The following HIF1AN variants were observed in gnomAD, a reference collection of about 807,000 sequenced individuals.
The protein encoded by HIF1AN is hypoxia-inducible factor 1-alpha inhibitor.
Under a neutral mutation model 47.7 loss-of-function variants are expected in HIF1AN, and 21 were observed. The observed-to-expected ratio is 0.44, with a 90% confidence interval of 0.31 to 0.63. The LOEUF is 0.63. Ranked by LOEUF, HIF1AN falls within the 30% of genes least tolerant of loss-of-function variation. The pLI is 0.07. For missense variants in HIF1AN, 320 were observed against 432.7 expected (o/e 0.74, Z 2.31); for synonymous variants, 152 against 155.9 (o/e 0.98, Z 0.18).
At chr10:100,546,774 C>G (rs987537289) in intron 6 of HIF1AN, among the ~76,000 whole-genome samples, 193 bp downstream of exon 6, 3 of 152,010 alleles carry the variant, frequency 2.0e-5, no homozygotes, top group Admixed American at 6.5e-5. Context: ...GAGTCTTGCT[C>G]TATTCCCCAG....
At chr10:100,545,842 TTTGTTTGTTTG>T in intron 4 of HIF1AN, 90 bp from the exon 5 acceptor site, 1 of 738,552 alleles carries the variant, frequency 1.4e-6, no homozygotes, top group Non-Finnish European at 2.3e-6. Context: ...TCGTTTTTTT[TTTGTTTGTTTG>T]TTTGTTTTTA....
chr10:100,547,340 G>T, intron 7 of HIF1AN, 90 bp downstream of exon 7: 1 of 773,670 alleles, frequency 1.3e-6, no homozygotes, highest in Non-Finnish European at 2.2e-6. Context: ...CTGTGTTTCA[G>T]TGTCTGGTGT....
intron 6 of HIF1AN, 127 bp downstream of exon 6, chr10:100,546,708 A>G: frequency 1.3e-6 from 1 of 745,290 alleles, no homozygotes; most frequent in South Asian, 1.6e-5. Flanking sequence ...GTCTGGGGAG[A>G]TGAAAGGGAC....
intron 3 of HIF1AN, among the ~76,000 whole-genome samples, chr10:100,541,511 G>GT (rs1190541432): frequency 2.0e-5 from 3 of 151,604 alleles, no homozygotes; most frequent in Non-Finnish European, 2.9e-5. Flanking sequence ...TTGTTGTTTT[G>GT]TTTTTTTGAG....
chr10:100,548,166 G>A lies in HIF1AN; in HGVS notation c.*29G>A, dbSNP rs1016447117. 1.3e-6 allele frequency: 2 copies of A among 1,592,414 alleles called. No homozygotes were observed. Among genetic ancestry groups the A allele is most frequent in the African/African-American group, 2.7e-5 (2 of 74,442 alleles). On this transcript the variant is annotated 3_prime_UTR_variant, in exon 8 of 8. Coordinates refer to ENST00000299163, the MANE Select transcript of HIF1AN (RefSeq NM_017902.3). ...GCCAGGGGTCAAGGCCTCCTGCCAG[G>A]TGACTGCTATCCCGTCCACACCGCT...
chr10:100,546,939 C>G (rs751773327), intron 6 of HIF1AN, among the ~76,000 whole-genome samples: 1 of 152,016 alleles, frequency 6.6e-6, no homozygotes, highest in Non-Finnish European at 1.5e-5. Context: ...GGGGTTTCAC[C>G]ATGTTGGCCA....
rs1217417082 is a variant in HIF1AN, at chr10:100,549,127, T to TA, written c.*991dup. 2 of 152,568 alleles carry TA rather than the reference T, an allele frequency of 1.3e-5. No individual in the cohort carries two copies. The highest frequency in any genetic ancestry group is 6.6e-5 in the Admixed American group (1 of 15,262). The allele number at this position is 152,568 out of a possible 1,614,324, so 9.5% of individuals were successfully genotyped here. ...GTCCACACTGGCCAGCCTCCCTACTTACCAAGGTTCTCCACTGCTTACCTT... is the reference window on the plus strand; with the variant it reads ...GTCCACACTGGCCAGCCTCCCTACTTAACCAAGGTTCTCCACTGCTTACCTT... On this transcript the variant is annotated 3_prime_UTR_variant, in exon 8 of 8. Transcript: ENST00000299163.
intron 2 of HIF1AN, among the ~76,000 whole-genome samples, chr10:100,538,216 C>T (rs189659352): frequency 1.3e-5 from 2 of 152,204 alleles, no homozygotes; most frequent in Non-Finnish European, 2.9e-5. Context: ...CAAGGAAAAT[C>T]TTTAATTGTT....
intron 3 of HIF1AN, 46 bp from the exon 4 acceptor site, chr10:100,544,905 C>T (rs1843079298): frequency 6.3e-7 from 1 of 1,592,608 alleles, no homozygotes; most frequent in Non-Finnish European, 8.6e-7. Context: ...CCAGCTTATG[C>T]AATAGAACCA....
intron 7 of HIF1AN, among the ~76,000 whole-genome samples, chr10:100,547,883 T>G (rs951089419): frequency 6.6e-6 from 1 of 152,044 alleles, no homozygotes; most frequent in Admixed American, 6.5e-5. Flanking sequence ...GAGAGAAGAA[T>G]AATAGTACAA....
At chr10:100,545,127 A>T in intron 4 of HIF1AN, 31 bp downstream of exon 4, 2 of 1,601,858 alleles carry the variant, frequency 1.2e-6, no homozygotes, top group Non-Finnish European at 1.7e-6. Context: ...AAGGGTATAG[A>T]ACTCTAGATT....
chr10:100,540,944 G>A lies in HIF1AN; in HGVS notation c.577+162G>A, dbSNP rs142360133. Among the ~76,000 whole-genome samples, 1,044 of 152,312 alleles carry A rather than the reference G, an allele frequency of 6.9e-3. 12 individuals are homozygous for A. The highest frequency in any genetic ancestry group is 0.023 in the African/African-American group (970 of 41,550). On this transcript the variant is annotated intron_variant, in intron 3 of 7. Coordinates refer to ENST00000299163, the MANE Select transcript of HIF1AN (RefSeq NM_017902.3). ...AGAAACATAATAGGGGCTGGATGCC[G>A]TGGCTCACGCCTGTAATCCCAGCAG...
intron 3 of HIF1AN, among the ~76,000 whole-genome samples, chr10:100,542,241 G>A (rs1056892685): frequency 6.6e-6 from 1 of 151,960 alleles, no homozygotes; most frequent in African/African-American, 2.4e-5. Flanking sequence ...TCATCATGTG[G>A]CACATGACTG....
intron 2 of HIF1AN, among the ~76,000 whole-genome samples, chr10:100,539,152 G>A (rs971920136): frequency 3.9e-5 from 6 of 152,006 alleles, no homozygotes; most frequent in African/African-American, 1.4e-4. Flanking sequence ...GGCTGGTCTC[G>A]AACTCCTGAG....
At position 100,551,173 on chromosome 10, in the gene HIF1AN, C is replaced by T. The variant is rs1843154752; in HGVS notation, c.*3036C>T. On this transcript the variant is annotated 3_prime_UTR_variant, in exon 8 of 8. Transcript: ENST00000299163. Reference sequence around the variant, plus strand: ...TTCTGGGCATCAGTTGAGCAGATGCCCAGGATGCCTGGGGGAGACCAGCTT... The same window carrying T: ...TTCTGGGCATCAGTTGAGCAGATGCTCAGGATGCCTGGGGGAGACCAGCTT... 6.6e-6 allele frequency: 1 copy of T among 152,092 alleles called. No individual in the cohort carries two copies. The highest frequency in any genetic ancestry group is 2.4e-5 in the African/African-American group (1 of 41,420). The allele number at this position is 152,092 out of a possible 1,614,324, so 9.4% of individuals were successfully genotyped here.
chr10:100,538,320 G>A (rs1852253788), intron 2 of HIF1AN, among the ~76,000 whole-genome samples: 1 of 152,118 alleles, frequency 6.6e-6, no homozygotes, highest in Admixed American at 6.6e-5. Context: ...GCGACTATGG[G>A]GTGAAATGTA....
chr10:100,538,850 C>A (rs1852261874), intron 2 of HIF1AN, among the ~76,000 whole-genome samples: 1 of 145,122 alleles, frequency 6.9e-6, no homozygotes. Context: ...TTCTGATTAA[C>A]ATTGCCTTAA....
rs765580648 is a variant in HIF1AN at position 100,545,990 on chromosome 10, T to TG, written c.772dup (p.Val258GlyfsTer12). 1 of 1,613,998 alleles carries TG rather than the reference T, an allele frequency of 6.2e-7. No homozygotes were observed. The highest frequency in any genetic ancestry group is 1.1e-5 in the South Asian group (1 of 91,084). On this transcript the variant is annotated frameshift_variant, in exon 5 of 8. Coordinates refer to ENST00000299163, the MANE Select transcript of HIF1AN (RefSeq NM_017902.3). LOFTEE classifies it high-confidence loss of function. ...ACGAGAGGTTCCCTAATTTCCAAAA[T>TG]GTGGTTGGTTACGAAACAGTGGTTG...
At chr10:100,543,884 T>G (rs978220703) in intron 3 of HIF1AN, among the ~76,000 whole-genome samples, 1 of 152,200 alleles carries the variant, frequency 6.6e-6, no homozygotes. Context: ...TACTTGACTC[T>G]TATGTCTTTC....
Sources: allele counts gnomAD v4.1 joint callset (sites outside exome capture counted in the v4.1 genomes callset), GRCh38; gene constraint gnomAD v4.1.1; transcripts MANE v1.5; gene names NCBI Gene and HGNC (gene_info 2026-07-23, HGNC 2026-07-21).